GLIS1: variants seen among roughly 807,000 people sequenced by gnomAD.
The protein encoded by GLIS1 is GLIS family zinc finger 1.
A neutral mutation model predicts 63.8 loss-of-function variants in GLIS1; 24 were observed. The observed-to-expected ratio is 0.38, with a 90% CI of 0.27 to 0.53. GLIS1 has a LOEUF of 0.53. Ranked by LOEUF, GLIS1 falls within the 20% of genes least tolerant of loss-of-function variation. The pLI is 0.85. For missense variants in GLIS1, 1,036 were observed against 1,074.1 expected, an observed-to-expected ratio of 0.96 and a Z score of 0.50; for synonymous variants, 450 against 482.5, an observed-to-expected ratio of 0.93 and a Z score of 0.88.
chr1:53,638,123 CG>C (rs1645746609), intron 2 of GLIS1, among the ~76,000 whole-genome samples: 1 of 152,086 alleles, frequency 6.6e-6, no homozygotes, highest in African/African-American at 2.4e-5. Context: ...GGGACTGCCA[CG>C]GGGAGAAGCA....
chr1:53,510,006 T>C lies in GLIS1; in HGVS notation c.1905A>G (p.Ser635=). Residue 635 remains serine, a synonymous_variant, in exon 9 of 11, where the codon TCA becomes TCG. Coordinates refer to ENST00000628545, the MANE Select transcript of GLIS1 (RefSeq NM_001367484.1). ...TRDGLGPGLL[S]PIVSPLKGLG... ...GCCCCTTCAGGGGGCTGACTATTGGTGAGAGGAGGCCGGGCCCCAACCTGG... is the reference window on the plus strand; with the variant it reads ...GCCCCTTCAGGGGGCTGACTATTGGCGAGAGGAGGCCGGGCCCCAACCTGG... 7.8e-7 allele frequency: 1 copy of C among 1,277,514 alleles called. No individual in the cohort carries two copies. Among genetic ancestry groups the C allele is most frequent in the Non-Finnish European group, 1.0e-6 (1 of 1,004,058 alleles). 79.1% of individuals were successfully genotyped at this position (1,277,514 alleles called of 1,614,324 possible).
chr1:53,578,636 T>G (rs946644693), intron 4 of GLIS1, among the ~76,000 whole-genome samples: 1 of 152,220 alleles, frequency 6.6e-6, no homozygotes, highest in Non-Finnish European at 1.5e-5. Flanking sequence ...TTGCTTTGGC[T>G]ACCAGGAAGC....
At chr1:53,609,464 T>A (rs1399448861) in intron 2 of GLIS1, among the ~76,000 whole-genome samples, 1 of 151,852 alleles carries the variant, frequency 6.6e-6, no homozygotes, top group South Asian at 2.1e-4. Context: ...AGAGATGGGG[T>A]TTTACCATAT....
At position 53,579,672 on chromosome 1, in the gene GLIS1, C is replaced by A. The variant is rs1557461370; in HGVS notation, c.1320+14436G>T. ...CTCAGGACCACACCTTGTCTTCCCC[C>A]AGTACGCAAGCTGTGCTTGCCGCGG... On this transcript the variant is annotated intron_variant, in intron 4 of 10. Transcript: ENST00000628545. Among the ~76,000 whole-genome samples, 6 of 152,380 alleles carry A rather than the reference C, an allele frequency of 3.9e-5. No individual in the cohort carries two copies. The South Asian group carries it at 1.2e-3, about 32-fold the overall frequency.
chr1:53,733,335 C>T (rs1055987759), intron 2 of GLIS1, among the ~76,000 whole-genome samples: 5 of 152,108 alleles, frequency 3.3e-5, no homozygotes, highest in African/African-American at 1.2e-4. Flanking sequence ...GAAGAAAAAT[C>T]ATAGCATATA....
intron 2 of GLIS1, among the ~76,000 whole-genome samples, chr1:53,693,756 C>G (rs543566348): frequency 2.6e-5 from 4 of 152,336 alleles, no homozygotes; most frequent in African/African-American, 7.2e-5. Flanking sequence ...AGGCCGGGCT[C>G]TGTTACCACC....
At chr1:53,624,621 G>T (rs1047310218) in intron 2 of GLIS1, among the ~76,000 whole-genome samples, 7 of 151,538 alleles carry the variant, frequency 4.6e-5, no homozygotes, top group African/African-American at 1.7e-4. Context: ...GCTCACTGCA[G>T]CCTTGAACTC....
At chr1:53,514,420 C>G (rs887541863) in intron 8 of GLIS1, among the ~76,000 whole-genome samples, 1 of 152,180 alleles carries the variant, frequency 6.6e-6, no homozygotes, top group Admixed American at 6.5e-5. Context: ...GAAGCCAGTA[C>G]GGTCTACTCA....
At chr1:53,572,619 A>G (rs931880475) in intron 4 of GLIS1, among the ~76,000 whole-genome samples, 1 of 152,248 alleles carries the variant, frequency 6.6e-6, no homozygotes, top group Non-Finnish European at 1.5e-5. Context: ...GTGGATTAAA[A>G]TTCTCAGCAG....
intron 4 of GLIS1, among the ~76,000 whole-genome samples, chr1:53,536,528 C>A (rs1644583340): frequency 6.6e-6 from 1 of 151,964 alleles, no homozygotes; most frequent in Admixed American, 6.5e-5. Context: ...AGCTACTTCC[C>A]AGCCCACTCT....
chr1:53,697,731 T>G (rs1460853384), intron 2 of GLIS1, among the ~76,000 whole-genome samples: 9 of 152,338 alleles, frequency 5.9e-5, no homozygotes, highest in African/African-American at 1.9e-4. Context: ...CTAAACACTT[T>G]TGCACGTATT....
intron 2 of GLIS1, among the ~76,000 whole-genome samples, chr1:53,653,733 T>G (rs749341862): frequency 6.6e-6 from 1 of 152,076 alleles, no homozygotes; most frequent in Non-Finnish European, 1.5e-5. Flanking sequence ...AGGATCAGGG[T>G]GAGACAGACA....
At chr1:53,565,311 G>C (rs921731950) in intron 4 of GLIS1, among the ~76,000 whole-genome samples, 9 of 151,894 alleles carry the variant, frequency 5.9e-5, no homozygotes, top group African/African-American at 2.2e-4. Context: ...TAATGTGCTA[G>C]GAGATCCATT....
At chr1:53,562,402 C>T (rs758219585) in intron 4 of GLIS1, among the ~76,000 whole-genome samples, 1 of 152,108 alleles carries the variant, frequency 6.6e-6, no homozygotes, top group African/African-American at 2.4e-5. Context: ...TGCAGCCCAA[C>T]CAGGGAAAAC....
At chr1:53,606,829 C>T (rs909101605) in intron 2 of GLIS1, among the ~76,000 whole-genome samples, 3 of 152,246 alleles carry the variant, frequency 2.0e-5, no homozygotes, top group Non-Finnish European at 2.9e-5. Context: ...ACCTCTTATC[C>T]CAGACTGCAA....
intron 2 of GLIS1, among the ~76,000 whole-genome samples, chr1:53,626,107 A>G (rs529949079): frequency 1.3e-5 from 2 of 152,284 alleles, no homozygotes; most frequent in Admixed American, 6.5e-5. Flanking sequence ...CGCTCTTAGG[A>G]ATGGCAAACG....
intron 2 of GLIS1, among the ~76,000 whole-genome samples, chr1:53,711,273 C>G (rs1055621863): frequency 6.6e-6 from 1 of 152,200 alleles, no homozygotes; most frequent in African/African-American, 2.4e-5. Context: ...GTGTGATCTT[C>G]CCAGAGCCCA....
At chr1:53,629,432 C>T (rs1432417636) in intron 2 of GLIS1, among the ~76,000 whole-genome samples, 2 of 152,226 alleles carry the variant, frequency 1.3e-5, no homozygotes, top group African/African-American at 2.4e-5. Context: ...CTTCTAGTCT[C>T]GCTGCCTGAC....
intron 6 of GLIS1, among the ~76,000 whole-genome samples, chr1:53,521,313 C>G (rs753958886): frequency 6.6e-6 from 1 of 152,132 alleles, no homozygotes. Flanking sequence ...AGGAATAAAG[C>G]GCAATAGGTG....
Sources: allele counts gnomAD v4.1 joint callset (sites outside exome capture counted in the v4.1 genomes callset), GRCh38; gene constraint gnomAD v4.1.1; transcripts MANE v1.5; gene names NCBI Gene and HGNC (gene_info 2026-07-23, HGNC 2026-07-21).